The following ADAMTS6 variants were observed in gnomAD, a reference collection of about 807,000 sequenced individuals.
The protein encoded by ADAMTS6 is A disintegrin and metalloproteinase with thrombospondin motifs 6.
ADAMTS6 carries 23 observed loss-of-function variants against 144.3 expected under a neutral mutation model. That is an observed-to-expected ratio of 0.16 (90% CI 0.11 to 0.23). The LOEUF is 0.23. ADAMTS6 is among the 10% of genes least tolerant of loss of function. The probability of loss-of-function intolerance (pLI) is 1.00; values close to 1 mark genes in which losing one functional copy is unlikely to be tolerated. For missense variants in ADAMTS6, 999 were observed against 1,379.6 expected, an observed-to-expected ratio of 0.72 and a Z score of 4.37; for synonymous variants, 444 against 457.5, an observed-to-expected ratio of 0.97 and a Z score of 0.38.
intron 9 of ADAMTS6, among the ~76,000 whole-genome samples, chr5:65,301,948 C>T (rs28412757): frequency 0.3 from 44,469 of 150,468 alleles, 6,762 homozygotes; most frequent in Admixed American, 0.37. Flanking sequence ...AAAAATTAGC[C>T]GGGGGTGGTG....
chr5:65,450,886 TA>T (rs1245726462), intron 7 of ADAMTS6, among the ~76,000 whole-genome samples: 6 of 152,206 alleles, frequency 3.9e-5, no homozygotes, highest in Admixed American at 3.9e-4. Context: ...TGGAAAGCAA[TA>T]TAAGAATTCA....
chr5:65,457,967 C>T (rs938213793), intron 4 of ADAMTS6, among the ~76,000 whole-genome samples: 4 of 151,652 alleles, frequency 2.6e-5, no homozygotes, highest in Non-Finnish European at 5.9e-5. Flanking sequence ...CCTCGTGATC[C>T]GCCTGCCTCA....
At chr5:65,330,610 CA>C (rs1746619786) in intron 8 of ADAMTS6, among the ~76,000 whole-genome samples, 1 of 152,044 alleles carries the variant, frequency 6.6e-6, no homozygotes, top group South Asian at 2.1e-4. Context: ...AAATGGTATT[CA>C]ATCCATATTT....
intron 18 of ADAMTS6, 80 bp downstream of exon 18, chr5:65,224,240 G>T: frequency 8.8e-7 from 1 of 1,142,650 alleles, no homozygotes; most frequent in Non-Finnish European, 1.3e-6. Flanking sequence ...AAAGAAGCAT[G>T]CCTTTTCCTT....
intron 10 of ADAMTS6, among the ~76,000 whole-genome samples, chr5:65,292,386 G>GA (rs1742400849): frequency 8.1e-6 from 1 of 122,968 alleles, no homozygotes; most frequent in Non-Finnish European, 1.8e-5. Context: ...CAGCACTTGT[G>GA]TTTTTTTTTT....
At chr5:65,298,172 A>C (rs1743023548) in intron 10 of ADAMTS6, among the ~76,000 whole-genome samples, 1 of 152,162 alleles carries the variant, frequency 6.6e-6, no homozygotes, top group Admixed American at 6.5e-5. Flanking sequence ...TTTCAAGTAG[A>C]CAAGATCTGG....
At chr5:65,404,978 T>C (rs1294178602) in intron 7 of ADAMTS6, among the ~76,000 whole-genome samples, 1 of 152,224 alleles carries the variant, frequency 6.6e-6, no homozygotes, top group Non-Finnish European at 1.5e-5. Flanking sequence ...CTTTGCCCAC[T>C]TTTTGATGGG....
At chr5:65,359,794 T>C (rs1749660347) in intron 7 of ADAMTS6, among the ~76,000 whole-genome samples, 1 of 147,182 alleles carries the variant, frequency 6.8e-6, no homozygotes, top group Non-Finnish European at 1.5e-5. Flanking sequence ...GTGTAGAGTC[T>C]AAAAAAAAAA....
chr5:65,398,195 C>T (rs984144562), intron 7 of ADAMTS6, among the ~76,000 whole-genome samples: 4 of 152,154 alleles, frequency 2.6e-5, no homozygotes, highest in Non-Finnish European at 5.9e-5. Context: ...TTTCCAGTTG[C>T]TGAATTTGTC....
intron 7 of ADAMTS6, among the ~76,000 whole-genome samples, chr5:65,425,921 G>A (rs1026862437): frequency 1.3e-5 from 2 of 151,838 alleles, no homozygotes; most frequent in Non-Finnish European, 2.9e-5. Flanking sequence ...CCACCACCGC[G>A]CCTGGCTAAT....
intron 7 of ADAMTS6, among the ~76,000 whole-genome samples, chr5:65,396,031 C>T (rs1433311750): frequency 3.3e-5 from 5 of 152,148 alleles, no homozygotes; most frequent in Non-Finnish European, 5.9e-5. Context: ...TAATCACTAA[C>T]ATGGCACTTC....
chr5:65,295,175 A>C (rs1459107218), intron 10 of ADAMTS6, among the ~76,000 whole-genome samples: 1 of 152,092 alleles, frequency 6.6e-6, no homozygotes, highest in Non-Finnish European at 1.5e-5. Context: ...TGATATGAAC[A>C]CTTTTTGTAT....
At chr5:65,407,154 A>G (rs958441342) in intron 7 of ADAMTS6, among the ~76,000 whole-genome samples, 2 of 152,098 alleles carry the variant, frequency 1.3e-5, no homozygotes, top group Non-Finnish European at 2.9e-5. Context: ...GATACTCCTT[A>G]AGAAGAGCAA....
chr5:65,176,864 G>T lies in ADAMTS6; in HGVS notation c.2911-3856C>A, dbSNP rs189733518. 2.3e-3 allele frequency among the ~76,000 whole-genome samples: 344 copies of T among 152,232 alleles called. 1 individual carries two copies. Among genetic ancestry groups the T allele is most frequent in the African/African-American group, 8.1e-3 (335 of 41,532 alleles). On this transcript the variant is annotated intron_variant, in intron 22 of 24. Transcript: ENST00000381055. Reference sequence around the variant, plus strand: ...TTGGTCTAAAAACTAATAAAAATAGGTGCTAAAGGAAATTTCTCAGTAGGA... The same window carrying T: ...TTGGTCTAAAAACTAATAAAAATAGTTGCTAAAGGAAATTTCTCAGTAGGA...
chr5:65,451,541 T>C lies in ADAMTS6; in HGVS notation c.1007A>G (p.Gln336Arg). Residue 336 changes from glutamine to arginine, a missense_variant, in exon 7 of 25, where the codon CAA (glutamine) becomes CGA (arginine). Gln to Arg is a conservative substitution (Grantham distance 43). Around this residue, in one of 3 missense-constraint regions of ADAMTS6, gnomAD observed 128 missense variants for 249.0 expected, o/e 0.51. Coordinates refer to ENST00000381055, the MANE Select transcript of ADAMTS6 (RefSeq NM_197941.4). ...CKWQKSILSH[Q>R]SDGNTIPENG... is the part of the protein sequence containing the mutation. ...TTCTGGAATGGTGTTTCCATCACTT[T>C]GGTGGGAGAGAATGGATTTCTGCCA... 6.2e-7 allele frequency: 1 copy of C among 1,613,696 alleles called. No individual in the cohort carries two copies. The highest frequency in any genetic ancestry group is 8.5e-7 in the Non-Finnish European group (1 of 1,179,818).
intron 7 of ADAMTS6, among the ~76,000 whole-genome samples, chr5:65,349,851 C>CAA (rs59275360): frequency 1.9e-5 from 2 of 107,716 alleles, no homozygotes; most frequent in African/African-American, 3.5e-5. Context: ...GAGACTGTCT[C>CAA]AAAAAAAAAA....
chr5:65,360,169 C>T (rs979850000), intron 7 of ADAMTS6, among the ~76,000 whole-genome samples: 3 of 152,004 alleles, frequency 2.0e-5, no homozygotes, highest in Non-Finnish European at 4.4e-5. Context: ...CCTTAGGAAA[C>T]GTACAATAAT....
intron 22 of ADAMTS6, among the ~76,000 whole-genome samples, chr5:65,183,405 A>G (rs777878149): frequency 1.7e-4 from 26 of 152,024 alleles, no homozygotes; most frequent in Non-Finnish European, 3.2e-4. Context: ...TGCTGTTATA[A>G]TATTTTAATT....
chr5:65,457,701 T>C (rs1047153485), intron 4 of ADAMTS6, among the ~76,000 whole-genome samples: 2 of 151,348 alleles, frequency 1.3e-5, no homozygotes, highest in Non-Finnish European at 2.9e-5. Flanking sequence ...AATTACATTA[T>C]AATAAACAAC....
Sources: allele counts gnomAD v4.1 joint callset (sites outside exome capture counted in the v4.1 genomes callset), GRCh38; gene constraint gnomAD v4.1.1; regional missense constraint gnomAD v4.1.1; transcripts MANE v1.5; gene names NCBI Gene and HGNC (gene_info 2026-07-23, HGNC 2026-07-21).